The following ZNF160 variants were observed in gnomAD, a reference collection of about 807,000 sequenced individuals.
ZNF160 encodes zinc finger protein 160.
A neutral mutation model predicts 13.1 loss-of-function variants in ZNF160; 9 were observed. The observed-to-expected ratio is 0.69, with a 90% CI of 0.41 to 1.20. ZNF160 has a LOEUF of 1.20. Ranked by LOEUF, ZNF160 falls within the 50% of genes most tolerant of loss-of-function variation. The probability of loss-of-function intolerance (pLI) is 0.01; values close to 1 mark genes in which losing one functional copy is unlikely to be tolerated. For missense variants in ZNF160, 838 were observed against 988.0 expected (o/e 0.85, Z 2.04); for synonymous variants, 293 against 333.2 (o/e 0.88, Z 1.31).
At chr19:53,089,590 A>C (rs528928764) in intron 2 of ZNF160, among the ~76,000 whole-genome samples, 2 of 152,272 alleles carry the variant, frequency 1.3e-5, no homozygotes, top group East Asian at 3.9e-4. Flanking sequence ...CATAATTATA[A>C]AATGCATAGC....
chr19:53,087,130 G>A (rs1031437388), intron 2 of ZNF160, among the ~76,000 whole-genome samples: 13 of 152,220 alleles, frequency 8.5e-5, no homozygotes, highest in African/African-American at 3.1e-4. Flanking sequence ...AGAGGCCAGG[G>A]AGTTCTAGGC....
intron 1 of ZNF160, among the ~76,000 whole-genome samples, chr19:53,102,487 ATC>A (rs2085481435): frequency 1.3e-5 from 2 of 151,972 alleles, no homozygotes; most frequent in Non-Finnish European, 2.9e-5. Flanking sequence ...CCCTCTCCTT[ATC>A]TTGTTGTCCT....
intron 5 of ZNF160, among the ~76,000 whole-genome samples, chr19:53,072,610 G>C (rs1019890298): frequency 6.6e-6 from 1 of 152,090 alleles, no homozygotes; most frequent in South Asian, 2.1e-4. Context: ...CCAGCACTTT[G>C]GGAGGCTGCA....
Position 53,074,166 on chromosome 19 carries a change from G to C in ZNF160, c.245C>G (p.Pro82Arg), listed in dbSNP as rs8105668. The change falls in exon 5 of 6, where the codon CCG (proline) becomes CGG (arginine). Residue 82 changes from proline to arginine, a missense_variant. Around this residue, in one of 3 missense-constraint regions of ZNF160, gnomAD observed 387 missense variants for 402.3 expected, o/e 0.96. Transcript: ENST00000683776. ...TGTGACCACGCCTTTGACACATTCC[G>C]GCGTTCTTGGTTTTCTTGCTATTTT... ...CVKIARKPRT[P>R]ECVKGVVTDI... 0.77 allele frequency: 1,239,988 copies of C among 1,613,642 alleles called. 479,186 individuals are homozygous for C. The highest frequency in any genetic ancestry group is 0.9 in the African/African-American group (67,590 of 74,926).
chr19:53,081,584 T>G (rs1421987495), intron 3 of ZNF160, among the ~76,000 whole-genome samples: 2 of 151,904 alleles, frequency 1.3e-5, no homozygotes, highest in African/African-American at 4.8e-5. Flanking sequence ...CCAGGCATAA[T>G]GGCTATTACT....
intron 1 of ZNF160, chr19:53,093,465 T>C (rs1019838693): frequency 6.6e-6 from 1 of 150,462 alleles, no homozygotes; most frequent in African/African-American, 2.5e-5. Flanking sequence ...GAAGAAAGGA[T>C]GGAAGGGGGA....
intron 1 of ZNF160, among the ~76,000 whole-genome samples, chr19:53,094,029 C>T (rs944423990): frequency 2.0e-5 from 3 of 152,054 alleles, no homozygotes; most frequent in African/African-American, 4.8e-5. Context: ...AATGAGACCC[C>T]GATATCATAC....
At chr19:53,087,959 G>T (rs1270014576) in intron 2 of ZNF160, among the ~76,000 whole-genome samples, 1 of 152,202 alleles carries the variant, frequency 6.6e-6, no homozygotes, top group Admixed American at 6.5e-5. Flanking sequence ...AGGAGGGTCT[G>T]CAGGGTACAT....
At chr19:53,102,933 G>A (rs1460950696) in intron 1 of ZNF160, among the ~76,000 whole-genome samples, 3 of 152,102 alleles carry the variant, frequency 2.0e-5, no homozygotes, top group Non-Finnish European at 2.9e-5. Flanking sequence ...GGGCGACGGC[G>A]CCTTAGGACA....
chr19:53,067,896 G>A lies in ZNF160; in HGVS notation c.*181C>T. On this transcript the variant is annotated 3_prime_UTR_variant, in exon 6 of 6. Transcript: ENST00000683776. The stretch of plus-strand genomic sequence containing the variant: ...AATCTTGATGCCTAGTAACCTGCGA[G>A]GCCTGGATAGACCCTCTGCCACATA... 2.6e-6 allele frequency: 2 copies of A among 760,264 alleles called. No individual in the cohort carries two copies. Among genetic ancestry groups the A allele is most frequent in the Non-Finnish European group, 4.0e-6 (2 of 501,824 alleles). 47.1% of individuals were successfully genotyped at this position (760,264 alleles called of 1,614,324 possible). A position where few individuals can be genotyped will look rare whatever the true frequency, so the allele number is the denominator to read the frequency against.
At chr19:53,089,200 C>T (rs12975777) in intron 2 of ZNF160, among the ~76,000 whole-genome samples, 38,448 of 151,950 alleles carry the variant, frequency 0.25, 5,238 homozygotes, top group South Asian at 0.34. Context: ...TGGGGGTAGC[C>T]CTGTGGAACT....
At chr19:53,078,014 G>T (rs1403548375) in intron 3 of ZNF160, among the ~76,000 whole-genome samples, 1 of 152,146 alleles carries the variant, frequency 6.6e-6, no homozygotes, top group Non-Finnish European at 1.5e-5. Context: ...GGCTAAGGCG[G>T]GCGGATCACG....
At chr19:53,087,671 CTCCT>C (rs1276480749) in intron 2 of ZNF160, among the ~76,000 whole-genome samples, 120 of 152,314 alleles carry the variant, frequency 7.9e-4, no homozygotes, top group African/African-American at 2.8e-3. Flanking sequence ...CTGCCTCAGC[CTCCT>C]GAGTAGCTGG....
At chr19:53,098,843 C>G (rs111994470) in intron 1 of ZNF160, among the ~76,000 whole-genome samples, 1 of 146,916 alleles carries the variant, frequency 6.8e-6, no homozygotes, top group African/African-American at 2.6e-5. Flanking sequence ...GGGGACGCCT[C>G]GGCACTGGCT....
chr19:53,069,776 C>T lies in ZNF160; in HGVS notation c.758G>A (p.Cys253Tyr). 1 of 1,614,214 alleles carries T rather than the reference C, an allele frequency of 6.2e-7. No individual in the cohort carries two copies. Among genetic ancestry groups the T allele is most frequent in the Non-Finnish European group, 8.5e-7 (1 of 1,180,048 alleles). The change falls in exon 6 of 6, where the codon TGT becomes TAT. Residue 253 changes from cysteine (C) to tyrosine (Y), a missense_variant. This residue lies in a region of ZNF160 where 387 missense variants were observed against 402.3 expected (regional missense o/e 0.96). Coordinates refer to ENST00000683776, the MANE Select transcript of ZNF160 (RefSeq NM_001322131.2). This position sits in a 1 kb window ranked among gnomAD's most constrained non-coding sequence, Gnocchi z 4.4. ...LLTQRRKANS[C>Y]GKPYKCNECG... ...TTCATTACATTTATAAGGTTTTCCA[C>T]AACTGTTTGCTTTTCGTCTTTGTGT...
intron 5 of ZNF160, among the ~76,000 whole-genome samples, chr19:53,072,165 G>A (rs1053619370): frequency 1.3e-5 from 2 of 150,228 alleles, no homozygotes; most frequent in East Asian, 2.0e-4. Flanking sequence ...GTAGTGCTGC[G>A]ATCTTGGCTT....
Position 53,067,997 on chromosome 19 carries a change from A to G in ZNF160, c.*80T>C. The stretch of plus-strand genomic sequence containing the variant: ...AACTCATGAGGGATTGGCCACTGTC[A>G]CTACATTTGTAAGGATTCTGTCAAG... On this transcript the variant is annotated 3_prime_UTR_variant, in exon 6 of 6. Coordinates refer to ENST00000683776, the MANE Select transcript of ZNF160 (RefSeq NM_001322131.2). 1 of 1,518,762 alleles carries G rather than the reference A, an allele frequency of 6.6e-7. No individual in the cohort carries two copies. Among genetic ancestry groups the G allele is most frequent in the East Asian group, 2.3e-5 (1 of 44,088 alleles). The allele number at this position is 1,518,762 out of a possible 1,614,324, so 94.1% of individuals were successfully genotyped here.
intron 5 of ZNF160, among the ~76,000 whole-genome samples, chr19:53,070,988 G>A (rs905967228): frequency 6.6e-6 from 1 of 151,872 alleles, no homozygotes; most frequent in Non-Finnish European, 1.5e-5. Flanking sequence ...ATGAGGTCAG[G>A]AGATTGAGTC....
chr19:53,071,466 T>G (rs2084171816), intron 5 of ZNF160, among the ~76,000 whole-genome samples: 1 of 147,714 alleles, frequency 6.8e-6, no homozygotes, highest in African/African-American at 2.5e-5. Context: ...GAAGGAGAAT[T>G]GCTTGAACTC....
Sources: allele counts gnomAD v4.1 joint callset (sites outside exome capture counted in the v4.1 genomes callset), GRCh38; gene constraint gnomAD v4.1.1; regional missense constraint gnomAD v4.1.1; non-coding constraint Gnocchi (gnomAD v3.1); transcripts MANE v1.5; gene names NCBI Gene and HGNC (gene_info 2026-07-23, HGNC 2026-07-21).